Variants in AOPEP observed in about 807,000 individuals in gnomAD.
AOPEP encodes the protein aminopeptidase O (putative), also known as aminopeptidase O.
AOPEP carries 77 observed loss-of-function variants against 98.1 expected under a neutral mutation model. That is an observed-to-expected ratio of 0.78 (90% CI 0.65 to 0.95). AOPEP has a LOEUF of 0.95. AOPEP is among the 40% of genes least tolerant of loss of function. AOPEP has a pLI of 0.00. For synonymous variants in AOPEP, 346 were observed against 365.3 expected, an observed-to-expected ratio of 0.95 and a Z score of 0.60; for missense variants, 1,024 against 1,024.7, an observed-to-expected ratio of 1.00 and a Z score of 0.01.
At chr9:94,826,703 A>G (rs1854652308) in intron 5 of AOPEP, among the ~76,000 whole-genome samples, 1 of 152,040 alleles carries the variant, frequency 6.6e-6, no homozygotes, top group South Asian at 2.1e-4. Flanking sequence ...GATAATAATG[A>G]TGGTGGTGGT....
chr9:94,767,349 A>G (rs1011160029), intron 2 of AOPEP, among the ~76,000 whole-genome samples: 3 of 152,226 alleles, frequency 2.0e-5, no homozygotes, highest in African/African-American at 4.8e-5. Flanking sequence ...AGAAAATACA[A>G]GGATGGACTG....
At chr9:95,135,450 G>A in the AOPEP span, 15 of 1,613,964 alleles carry the variant, frequency 9.3e-6, no homozygotes, top group Non-Finnish European at 1.2e-5. Flanking sequence ...AGGCTGGGAA[G>A]GTGCCGAAGC....
intron 5 of AOPEP, among the ~76,000 whole-genome samples, chr9:94,922,962 G>A (rs1015466044): frequency 1.1e-4 from 17 of 152,320 alleles, no homozygotes; most frequent in African/African-American, 3.8e-4. Flanking sequence ...GTCTTGGCTT[G>A]TGCCGAGCCG....
At chr9:94,809,081 G>A (rs1314774051) in intron 5 of AOPEP, among the ~76,000 whole-genome samples, 1 of 152,220 alleles carries the variant, frequency 6.6e-6, no homozygotes, top group Non-Finnish European at 1.5e-5. Flanking sequence ...TGTGATGAAT[G>A]CTGATGATGC....
At chr9:94,879,762 A>G (rs1223740140) in intron 5 of AOPEP, among the ~76,000 whole-genome samples, 1 of 152,196 alleles carries the variant, frequency 6.6e-6, no homozygotes, top group Non-Finnish European at 1.5e-5. Context: ...TGAAGTTTTT[A>G]TTGTTTTCCT....
chr9:95,093,862 C>G, the AOPEP span, among the ~76,000 whole-genome samples: 2 of 152,186 alleles, frequency 1.3e-5, no homozygotes, highest in Admixed American at 6.5e-5. Context: ...CCCAGCCCTG[C>G]TAGATGGCCT....
chr9:94,824,009 G>A (rs1853889483), intron 5 of AOPEP, among the ~76,000 whole-genome samples: 1 of 152,304 alleles, frequency 6.6e-6, no homozygotes, highest in South Asian at 2.1e-4. Context: ...AAGGGATATA[G>A]AAATAGGAAT....
chr9:94,966,565 A>G (rs1025911819), intron 9 of AOPEP, among the ~76,000 whole-genome samples: 3 of 152,254 alleles, frequency 2.0e-5, no homozygotes, highest in African/African-American at 7.2e-5. Flanking sequence ...ATTATCATCA[A>G]GTTCCAAGAA....
chr9:94,968,947 A>G (rs1010046599), intron 10 of AOPEP, among the ~76,000 whole-genome samples: 1 of 152,174 alleles, frequency 6.6e-6, no homozygotes, highest in African/African-American at 2.4e-5. Context: ...TTAATCCTCA[A>G]AACAACACTA....
chr9:94,801,483 G>A (rs1049205162), intron 5 of AOPEP, among the ~76,000 whole-genome samples: 2 of 152,350 alleles, frequency 1.3e-5, no homozygotes, highest in Non-Finnish European at 2.9e-5. Context: ...GAGACCCTGA[G>A]TCAGATAGAC....
intron 13 of AOPEP, among the ~76,000 whole-genome samples, chr9:95,045,300 C>T (rs1473194714): frequency 6.6e-6 from 1 of 152,214 alleles, no homozygotes; most frequent in Non-Finnish European, 1.5e-5. Context: ...AGGAGGGATG[C>T]GGGCTGGGGA....
intron 13 of AOPEP, among the ~76,000 whole-genome samples, chr9:95,039,395 C>T (rs2065099444): frequency 6.6e-6 from 1 of 151,972 alleles, no homozygotes; most frequent in South Asian, 2.1e-4. Context: ...GGTGAAATCC[C>T]ATCTCTACAA....
At chr9:95,116,323 A>C in the AOPEP span, among the ~76,000 whole-genome samples, 1 of 152,224 alleles carries the variant, frequency 6.6e-6, no homozygotes. Context: ...GAGTTTTCAT[A>C]AAACTGTCAC....
At chr9:95,109,533 A>G in the AOPEP span, 1 of 150,622 alleles carries the variant, frequency 6.6e-6, no homozygotes, top group African/African-American at 2.4e-5. Context: ...TTTTGTTGTG[A>G]TCTGATTCAG....
chr9:94,750,756 C>CTTTTTTTTTTT (rs536762614), intron 1 of AOPEP, among the ~76,000 whole-genome samples: 4 of 130,914 alleles, frequency 3.1e-5, no homozygotes, highest in Admixed American at 8.2e-5. Flanking sequence ...TCTTTTCTTT[C>CTTTTTTTTTTT]TTTTTTTTTT....
chr9:95,136,312 T>C, the AOPEP span, among the ~76,000 whole-genome samples: 1 of 151,870 alleles, frequency 6.6e-6, no homozygotes, highest in Non-Finnish European at 1.5e-5. Context: ...GGCAGGAGGA[T>C]CGCTAGAGCC....
intron 13 of AOPEP, among the ~76,000 whole-genome samples, chr9:95,038,335 A>G (rs2065007632): frequency 6.6e-6 from 1 of 152,230 alleles, no homozygotes; most frequent in Non-Finnish European, 1.5e-5. Flanking sequence ...GCAATTTAGC[A>G]TGCATTAGGT....
chr9:94,978,379 G>A (rs12340107), intron 10 of AOPEP, among the ~76,000 whole-genome samples: 1 of 151,696 alleles, frequency 6.6e-6, no homozygotes. Flanking sequence ...TTAAATGTGC[G>A]TTCATTCATT....
intron 5 of AOPEP, among the ~76,000 whole-genome samples, chr9:94,874,115 T>C (rs941982914): frequency 4.6e-5 from 7 of 152,170 alleles, no homozygotes; most frequent in African/African-American, 9.7e-5. Flanking sequence ...AAAAATGTGA[T>C]TAGAAATTTT....
Sources: gnomAD v4.1 joint callset for allele counts (sites outside exome capture counted in the v4.1 genomes callset) on GRCh38, gnomAD v4.1.1 for gene constraint, MANE v1.5 for transcripts, NCBI Gene and HGNC (gene_info 2026-07-23, HGNC 2026-07-21) for gene names.